CSMD3: variants seen among roughly 807,000 people sequenced by gnomAD.
CSMD3 encodes the protein CUB and sushi domain-containing protein 3.
CSMD3 carries 177 observed loss-of-function variants against 435.2 expected under a neutral mutation model. The observed-to-expected ratio is 0.41, with a 90% CI of 0.36 to 0.46. CSMD3 has a LOEUF of 0.46. Ranked by LOEUF, CSMD3 falls within the 20% of genes least tolerant of loss-of-function variation. The pLI is 0.34. For synonymous variants in CSMD3, 1,656 were observed against 1,520.5 expected (o/e 1.09, Z -2.07); for missense variants, 4,265 against 4,504.6 (o/e 0.95, Z 1.52).
At chr8:113,421,417 AT>A (rs1320568167) in intron 1 of CSMD3, among the ~76,000 whole-genome samples, 5 of 152,236 alleles carry the variant, frequency 3.3e-5, no homozygotes, top group African/African-American at 9.6e-5. Context: ...ATTAACTATA[AT>A]AAAAGTTGAA....
intron 22 of CSMD3, among the ~76,000 whole-genome samples, chr8:112,612,709 C>CTTTTTTTTTTTTTTTTTTTTTT (rs532290154): frequency 6.1e-5 from 4 of 65,888 alleles, no homozygotes; most frequent in Non-Finnish European, 8.3e-5. Flanking sequence ...TTTCTTTGTT[C>CTTTTTTTTTTTTTTTTTTTTTT]TTTTTTTTTT....
intron 9 of CSMD3, among the ~76,000 whole-genome samples, chr8:112,930,926 T>C (rs2083086452): frequency 6.6e-6 from 1 of 152,080 alleles, no homozygotes; most frequent in Admixed American, 6.6e-5. Flanking sequence ...TTATTGCATA[T>C]GTCAGTAATG....
At chr8:112,895,992 G>GT (rs879752269) in intron 10 of CSMD3, among the ~76,000 whole-genome samples, 1 of 151,422 alleles carries the variant, frequency 6.6e-6, no homozygotes, top group Non-Finnish European at 1.5e-5. Flanking sequence ...TCATCTTTCA[G>GT]TGAGTTATCT....
intron 34 of CSMD3, among the ~76,000 whole-genome samples, chr8:112,407,055 T>A (rs1293189583): frequency 6.6e-6 from 1 of 151,676 alleles, no homozygotes; most frequent in Non-Finnish European, 1.5e-5. Flanking sequence ...AAACTGAAAG[T>A]TTTTTTTCTT....
intron 1 of CSMD3, among the ~76,000 whole-genome samples, chr8:113,345,967 T>C (rs562341672): frequency 1.3e-5 from 2 of 151,932 alleles, no homozygotes; most frequent in South Asian, 4.2e-4. Flanking sequence ...CCCAAGTCTA[T>C]CTCTATTGAT....
At chr8:112,608,424 C>T (rs1832965267) in intron 22 of CSMD3, among the ~76,000 whole-genome samples, 1 of 151,960 alleles carries the variant, frequency 6.6e-6, no homozygotes, top group Admixed American at 6.6e-5. Flanking sequence ...TAGCATTTTA[C>T]ACAGAAATGG....
chr8:113,221,056 T>G (rs1249357277), intron 3 of CSMD3, among the ~76,000 whole-genome samples: 1 of 151,354 alleles, frequency 6.6e-6, no homozygotes, highest in Non-Finnish European at 1.5e-5. Flanking sequence ...TGTAAATATT[T>G]CAGATGAAAG....
At position 112,892,917 on chromosome 8, in the gene CSMD3, C is replaced by A. The variant is rs114475476; in HGVS notation, c.1633+28710G>T. Among the ~76,000 whole-genome samples the A allele has an allele frequency of 2.3e-3, 352 of 151,412 alleles. 1 individual carries two copies. Among genetic ancestry groups the A allele is most frequent in the African/African-American group, 8.1e-3 (336 of 41,374 alleles). ...TTGTTAACCATTCAATCTCCAGAGC[C>A]CAGAATCGTAACTGGCAAAGAGCAG... On this transcript the variant is annotated intron_variant, in intron 10 of 70. Transcript: ENST00000297405.
chr8:112,587,613 A>G (rs951401078), intron 22 of CSMD3, among the ~76,000 whole-genome samples: 9 of 151,918 alleles, frequency 5.9e-5, no homozygotes, highest in Non-Finnish European at 1.3e-4. Flanking sequence ...AGGGTTTTGA[A>G]TAATTCTAAC....
At chr8:112,520,501 C>CT (rs1203679527) in intron 27 of CSMD3, among the ~76,000 whole-genome samples, 2 of 151,962 alleles carry the variant, frequency 1.3e-5, no homozygotes, top group African/African-American at 4.8e-5. Flanking sequence ...TAGTGGAACT[C>CT]TGACAGCTGT....
At chr8:112,558,494 A>G (rs1008832012) in intron 24 of CSMD3, among the ~76,000 whole-genome samples, 1 of 151,876 alleles carries the variant, frequency 6.6e-6, no homozygotes, top group Non-Finnish European at 1.5e-5. Context: ...AAAAACAGAC[A>G]GTTTTTACGG....
intron 1 of CSMD3, among the ~76,000 whole-genome samples, chr8:113,355,839 C>A (rs575511940): frequency 1.2e-3 from 173 of 141,696 alleles, no homozygotes; most frequent in African/African-American, 4.3e-3. Context: ...ATTATAGGAG[C>A]AGTTTTTCAT....
rs117285275 is a variant in CSMD3, at chr8:113,076,588, C to T, written c.917+22168G>A. 2.4e-4 allele frequency among the ~76,000 whole-genome samples: 36 copies of T among 152,124 alleles called. No individual in the cohort carries two copies. In the East Asian group the frequency reaches 6.6e-3, roughly 28 times the overall value. ...AATTAAGATTACCCAGTAATTTAGA[C>T]ATAGAGCTATCACATTATACATATT... On this transcript the variant is annotated intron_variant, in intron 5 of 70. Coordinates refer to ENST00000297405, the MANE Select transcript of CSMD3 (RefSeq NM_198123.2).
At chr8:112,657,389 T>C (rs1476169997) in intron 17 of CSMD3, among the ~76,000 whole-genome samples, 1 of 152,152 alleles carries the variant, frequency 6.6e-6, no homozygotes, top group Admixed American at 6.5e-5. Flanking sequence ...TAGTATTACA[T>C]TATCTTAAAT....
chr8:113,130,846 G>A (rs955310086), intron 4 of CSMD3, among the ~76,000 whole-genome samples: 3 of 152,132 alleles, frequency 2.0e-5, no homozygotes, highest in Non-Finnish European at 4.4e-5. Flanking sequence ...TCCAGGCTGA[G>A]GTGGTCTCAG....
intron 6 of CSMD3, 146 bp downstream of exon 6, chr8:113,018,921 T>G (rs1239282468): frequency 1.5e-6 from 1 of 678,560 alleles, no homozygotes; most frequent in Non-Finnish European, 2.7e-6. Flanking sequence ...ATGATCACAT[T>G]ATTGTCTCAG....
In CSMD3 at chr8:112,255,152, T is replaced by A. The variant is rs546424908; in HGVS notation, c.10036+102A>T. On this transcript the variant is annotated intron_variant, in intron 62 of 70. Coordinates refer to ENST00000297405, the MANE Select transcript of CSMD3 (RefSeq NM_198123.2). ...TGCTTCTATATTTTACACTTGTTTT[T>A]ATATTAAGCCAACTATAGGTTATAG... is the stretch of plus-strand genomic sequence containing the variant. The A allele has an allele frequency of 1.4e-4, 136 of 951,616 alleles. 2 individuals carry two copies. The South Asian group carries it at 1.9e-3, about 13-fold the overall frequency. The allele number at this position is 951,616 out of a possible 1,614,324, so 58.9% of individuals were successfully genotyped here.
intron 5 of CSMD3, among the ~76,000 whole-genome samples, chr8:113,048,108 AC>A (rs2087918436): frequency 8.9e-6 from 1 of 112,068 alleles, no homozygotes; most frequent in Admixed American, 1.2e-4. Flanking sequence ...TTTTTTTGAG[AC>A]CGAGACCGAG....
chr8:112,960,929 A>G (rs955217864), intron 7 of CSMD3, among the ~76,000 whole-genome samples: 1 of 151,722 alleles, frequency 6.6e-6, no homozygotes, highest in African/African-American at 2.4e-5. Flanking sequence ...CATTTTTTTA[A>G]ATCTTAAACT....
Sources: allele counts gnomAD v4.1 joint callset (sites outside exome capture counted in the v4.1 genomes callset), GRCh38; gene constraint gnomAD v4.1.1; transcripts MANE v1.5; gene names NCBI Gene and HGNC (gene_info 2026-07-23, HGNC 2026-07-21).